The following OR1D2 variants were observed in gnomAD, a reference collection of about 807,000 sequenced individuals.
The protein encoded by OR1D2 is olfactory receptor 1D2.
For missense variants in OR1D2, 357 were observed against 376.1 expected, an observed-to-expected ratio of 0.95 and a Z score of 0.42; for synonymous variants, 157 against 153.9, an observed-to-expected ratio of 1.02 and a Z score of -0.15.
chr17:3,094,341 G>A (rs1008656816), intron 1 of OR1D2, among the ~76,000 whole-genome samples: 16 of 151,902 alleles, frequency 1.1e-4, no homozygotes, highest in African/African-American at 3.6e-4. Flanking sequence ...TCCTTCGAAA[G>A]CCTAATGTGT....
intron 1 of OR1D2, among the ~76,000 whole-genome samples, chr17:3,101,052 C>T (rs914140789): frequency 3.9e-5 from 6 of 151,992 alleles, no homozygotes; most frequent in Non-Finnish European, 8.8e-5. Flanking sequence ...CCAAAAAAAG[C>T]CCAGGTTCAC....
Position 3,091,936 on chromosome 17 carries a change from A to G in OR1D2, c.*122T>C. On this transcript the variant is annotated 3_prime_UTR_variant, in exon 2 of 2. Coordinates refer to ENST00000641833, the MANE Select transcript of OR1D2 (RefSeq NM_002548.3). ...ATGTCTTTTTTATCACCACATATCT[A>G]TATGCTGTCTCTGAGCTGGAGCCAT... is the stretch of plus-strand genomic sequence containing the variant. The G allele has an allele frequency of 1.3e-6, 1 of 745,728 alleles. No individual in the cohort carries two copies. Among genetic ancestry groups the G allele is most frequent in the South Asian group, 1.8e-5 (1 of 54,986 alleles). 46.2% of individuals were successfully genotyped at this position (745,728 alleles called of 1,614,324 possible). A position where few individuals can be genotyped will look rare whatever the true frequency, so the allele number is the denominator to read the frequency against.
chr17:3,094,551 C>T (rs927133452), intron 1 of OR1D2, among the ~76,000 whole-genome samples: 1 of 151,996 alleles, frequency 6.6e-6, no homozygotes, highest in African/African-American at 2.4e-5. Flanking sequence ...TTAGGGGAGA[C>T]TAGTACCCTG....
rs763604549 is a variant in OR1D2, at chr17:3,089,752, A to G, written c.*2306T>C. The stretch of plus-strand genomic sequence containing the variant: ...GGATGGGGGTGTGGTTAACAGGCCA[A>G]TGAAGTTATGTTCCCATGGGGATTA... On this transcript the variant is annotated 3_prime_UTR_variant, in exon 2 of 2. Transcript: ENST00000641833. The G allele has an allele frequency of 6.6e-6, 1 of 152,266 alleles. No individual in the cohort carries two copies. The highest frequency in any genetic ancestry group is 1.5e-5 in the Non-Finnish European group (1 of 68,114). The allele number at this position is 152,266 out of a possible 1,614,324, so 9.4% of individuals were successfully genotyped here.
At position 3,092,117 on chromosome 17, in the gene OR1D2, T is replaced by G; in HGVS notation, c.880A>C (p.Lys294Gln). ...MNPFIYSLRN[K>Q]DMHGALGRLL... The stretch of plus-strand genomic sequence containing the variant: ...CTTCCCAGAGCCCCATGCATGTCCT[T>G]GTTCCTCAGGCTGTAGATGAAGGGA... The change falls in exon 2 of 2, where the codon AAG becomes CAG. Residue 294 changes from lysine to glutamine, a missense_variant. Physicochemically the swap from Lys to Gln is moderately conservative, Grantham distance 53. Coordinates refer to ENST00000641833, the MANE Select transcript of OR1D2 (RefSeq NM_002548.3). 1.2e-6 allele frequency: 2 copies of G among 1,614,100 alleles called. No individual in the cohort carries two copies. The highest frequency in any genetic ancestry group is 1.7e-6 in the Non-Finnish European group (2 of 1,179,992).
intron 1 of OR1D2, among the ~76,000 whole-genome samples, chr17:3,095,202 G>T (rs1222827209): frequency 6.6e-6 from 1 of 152,004 alleles, no homozygotes; most frequent in Non-Finnish European, 1.5e-5. Context: ...TTCACAAATA[G>T]ACACATCATA....
rs565430944 is a variant in OR1D2, at chr17:3,092,621, T to A, written c.376A>T (p.Ile126Phe). The change falls in exon 2 of 2, where the codon ATC becomes TTC. Residue 126 changes from isoleucine (I) to phenylalanine (F), a missense_variant. Transcript: ENST00000641833. The stretch of plus-strand genomic sequence containing the variant: ...GTGGTGTAGTGGAGGGGGCAGCAGA[T>A]GGCCACATAGCGGTCATATGCCATC... ...AVMAYDRYVA[I>F]CCPLHYTTAM... is the part of the protein sequence containing the mutation. 3.1e-6 allele frequency: 5 copies of A among 1,614,054 alleles called. No homozygotes were observed. In the South Asian group the frequency reaches 5.5e-5, roughly 18 times the overall value.
chr17:3,092,916 C>T lies in OR1D2; in HGVS notation c.81G>A (p.Leu27=). 4 of 1,614,064 alleles carry T rather than the reference C, an allele frequency of 2.5e-6. No homozygotes were observed. The highest frequency in any genetic ancestry group is 3.4e-6 in the Non-Finnish European group (4 of 1,180,016). The change falls in exon 2 of 2, where the codon CTG becomes CTA. Residue 27 remains leucine, a synonymous_variant. Transcript: ENST00000641833. The stretch of plus-strand genomic sequence containing the variant: ...GGTACATGGACAGGAACATCCAAAA[C>T]AGGATCCGCTGCTGCTCAGGACTCT... The part of the protein sequence containing the change: ...MSESPEQQRI[L]FWMFLSMYLV...
intron 1 of OR1D2, among the ~76,000 whole-genome samples, chr17:3,093,537 A>C (rs2047827988): frequency 6.6e-6 from 1 of 152,170 alleles, no homozygotes; most frequent in Non-Finnish European, 1.5e-5. Flanking sequence ...GTGAAACCTC[A>C]GGTAGGGTTC....
Position 3,090,971 on chromosome 17 carries a change from T to A in OR1D2, c.*1087A>T, listed in dbSNP as rs2047803727. On this transcript the variant is annotated 3_prime_UTR_variant, in exon 2 of 2. Coordinates refer to ENST00000641833, the MANE Select transcript of OR1D2 (RefSeq NM_002548.3). Reference sequence around the variant, plus strand: ...ACATATGTTTTATTTTCTTTTTTACTTATGGAAGAACTCATGAGATGAGGG... The same window carrying A: ...ACATATGTTTTATTTTCTTTTTTACATATGGAAGAACTCATGAGATGAGGG... The A allele has an allele frequency of 6.6e-6, 1 of 152,182 alleles. No individual in the cohort carries two copies. 9.4% of individuals were successfully genotyped at this position (152,182 alleles called of 1,614,324 possible).
rs753641352 is a variant in OR1D2 at position 3,092,586 on chromosome 17, G to T, written c.411C>A (p.Ser137Arg). The T allele has an allele frequency of 6.2e-7, 1 of 1,614,146 alleles. No homozygotes were observed. Among genetic ancestry groups the T allele is most frequent in the Non-Finnish European group, 8.5e-7 (1 of 1,180,032 alleles). Residue 137 changes from serine (S) to arginine (R), a missense_variant, in exon 2 of 2, where the codon AGC (serine) becomes AGA (arginine). Ser to Arg is a moderately radical substitution (Grantham distance 110). Coordinates refer to ENST00000641833, the MANE Select transcript of OR1D2 (RefSeq NM_002548.3). ...CCPLHYTTAM[S>R]PKLCILLLSL... ...AAAGGAGTAAGATACAGAGCTTAGG[G>T]CTCATGGCTGTGGTGTAGTGGAGGG...
intron 1 of OR1D2, among the ~76,000 whole-genome samples, chr17:3,099,445 G>T (rs2047864735): frequency 6.6e-6 from 1 of 152,130 alleles, no homozygotes; most frequent in South Asian, 2.1e-4. Context: ...AAGTGAAGGA[G>T]AAATAAAATT....
In OR1D2 at chr17:3,090,623, C is replaced by T. The variant is rs147829042; in HGVS notation, c.*1435G>A. The T allele has an allele frequency of 6.6e-5, 10 of 152,344 alleles. No homozygotes were observed. In the East Asian group the frequency reaches 1.5e-3, roughly 24 times the overall value. The allele number at this position is 152,344 out of a possible 1,614,324, so 9.4% of individuals were successfully genotyped here. ...TAGGGAAAGTCCAATTTGATAGGAA[C>T]TGTTTTTCACCAGTCAGCTTAGCCA... is the stretch of plus-strand genomic sequence containing the variant. On this transcript the variant is annotated 3_prime_UTR_variant, in exon 2 of 2. Transcript: ENST00000641833.
Position 3,091,098 on chromosome 17 carries a change from C to A in OR1D2, c.*960G>T, listed in dbSNP as rs1024917553. ...GTTCAATATGGTGTTTTTTCTACTT[C>A]TGTGTACTACCAGGGTGCTATAAAC... On this transcript the variant is annotated 3_prime_UTR_variant, in exon 2 of 2. Transcript: ENST00000641833. 6.6e-6 allele frequency: 1 copy of A among 152,148 alleles called. No homozygotes were observed. The highest frequency in any genetic ancestry group is 1.5e-5 in the Non-Finnish European group (1 of 68,044). The allele number at this position is 152,148 out of a possible 1,614,324, so 9.4% of individuals were successfully genotyped here.
At position 3,092,586 on chromosome 17, in the gene OR1D2, G is replaced by A. The variant is rs753641352; in HGVS notation, c.411C>T (p.Ser137=). ...CCPLHYTTAM[S]PKLCILLLSL... is the part of the protein sequence containing the mutation. ...AAAGGAGTAAGATACAGAGCTTAGG[G>A]CTCATGGCTGTGGTGTAGTGGAGGG... Residue 137 remains serine, a synonymous_variant, in exon 2 of 2, where the codon AGC becomes AGT. Coordinates refer to ENST00000641833, the MANE Select transcript of OR1D2 (RefSeq NM_002548.3). The A allele has an allele frequency of 4.3e-6, 7 of 1,614,146 alleles. No individual in the cohort carries two copies. Among genetic ancestry groups the A allele is most frequent in the Middle Eastern group, 1.6e-4 (1 of 6,062 alleles).
At chr17:3,095,694 G>A (rs183834585) in intron 1 of OR1D2, among the ~76,000 whole-genome samples, 4 of 151,878 alleles carry the variant, frequency 2.6e-5, no homozygotes, top group Admixed American at 1.3e-4. Context: ...AAGTATGACA[G>A]TATAAATTCA....
At position 3,092,585 on chromosome 17, in the gene OR1D2, G is replaced by A. The variant is rs2047819039; in HGVS notation, c.412C>T (p.Pro138Ser). The stretch of plus-strand genomic sequence containing the variant: ...GAAAGGAGTAAGATACAGAGCTTAG[G>A]GCTCATGGCTGTGGTGTAGTGGAGG... ...CPLHYTTAMS[P>S]KLCILLLSLC... The change falls in exon 2 of 2, where the codon CCT (proline) becomes TCT (serine). Residue 138 changes from proline (P) to serine (S), a missense_variant. Coordinates refer to ENST00000641833, the MANE Select transcript of OR1D2 (RefSeq NM_002548.3). The A allele has an allele frequency of 1.9e-6, 3 of 1,614,116 alleles. No homozygotes were observed. The highest frequency in any genetic ancestry group is 1.7e-6 in the Non-Finnish European group (2 of 1,180,028).
intron 1 of OR1D2, among the ~76,000 whole-genome samples, chr17:3,098,826 C>T (rs996480841): frequency 4.6e-5 from 7 of 152,022 alleles, no homozygotes; most frequent in East Asian, 1.9e-4. Context: ...AGTTTAGAGA[C>T]GAACATAAAT....
In OR1D2 at chr17:3,090,001, C is replaced by CAGGTTTCT. The variant is rs2047797111; in HGVS notation, c.*2056_*2057insAGAAACCT. 1 of 152,276 alleles carries CAGGTTTCT rather than the reference C, an allele frequency of 6.6e-6. No individual in the cohort carries two copies. Among genetic ancestry groups the CAGGTTTCT allele is most frequent in the Non-Finnish European group, 1.5e-5 (1 of 68,072 alleles). 9.4% of individuals were successfully genotyped at this position (152,276 alleles called of 1,614,324 possible). ...GAAAGCAAGCAGCACTTTCAGGTTT[C>CAGGTTTCT]TGTTTTCCTGCCTGTGGTGGCTGCT... On this transcript the variant is annotated 3_prime_UTR_variant, in exon 2 of 2. Coordinates refer to ENST00000641833, the MANE Select transcript of OR1D2 (RefSeq NM_002548.3).
Sources: allele counts gnomAD v4.1 joint callset (sites outside exome capture counted in the v4.1 genomes callset), GRCh38; gene constraint gnomAD v4.1.1; transcripts MANE v1.5; gene names NCBI Gene and HGNC (gene_info 2026-07-23, HGNC 2026-07-21).